The following GNB1L variants were observed in gnomAD, a reference collection of about 807,000 sequenced individuals.
GNB1L encodes G protein subunit beta 1 like.
GNB1L carries 20 observed loss-of-function variants against 29.1 expected under a neutral mutation model. The observed-to-expected ratio is 0.69, with a 90% CI of 0.48 to 1.00. The LOEUF (loss-of-function observed/expected upper bound fraction) is 1.00, where lower values mean the gene tolerates loss of function less well. Ranked by LOEUF, GNB1L falls within the 50% of genes least tolerant of loss-of-function variation. The probability of loss-of-function intolerance (pLI) is 0.00; values close to 1 mark genes in which losing one functional copy is unlikely to be tolerated. For missense variants in GNB1L, 421 were observed against 464.9 expected, an observed-to-expected ratio of 0.91 and a Z score of 0.87; for synonymous variants, 193 against 206.5, an observed-to-expected ratio of 0.93 and a Z score of 0.56.
rs552034902 is a variant in GNB1L, at chr22:19,812,371, C to T, written c.331G>A (p.Glu111Lys). ...RSAVVDSVCL[E>K]SVGFCRSSIL... Reference sequence around the variant, plus strand: ...CTGCTCCGGCAGAAGCCCACACTCTCCAAGCACACGGAGTCCACGACAGCG... The same window carrying T: ...CTGCTCCGGCAGAAGCCCACACTCTTCAAGCACACGGAGTCCACGACAGCG... Residue 111 changes from glutamate to lysine, a missense_variant, in exon 5 of 8, where the codon GAG (glutamate) becomes AAG (lysine). Coordinates refer to ENST00000329517, the MANE Select transcript of GNB1L (RefSeq NM_053004.3). 12 of 1,613,412 alleles carry T rather than the reference C, an allele frequency of 7.4e-6. No homozygotes were observed. The South Asian group carries it at 8.8e-5, about 12-fold the overall frequency.
chr22:19,852,630 G>T, intron 2 of GNB1L: 1 of 258,204 alleles, frequency 3.9e-6, no homozygotes, highest in South Asian at 9.7e-5. Context: ...GGCTGGCCTG[G>T]GAGGTCTGAG....
intron 2 of GNB1L, among the ~76,000 whole-genome samples, chr22:19,829,638 A>G (rs1937652540): frequency 6.6e-6 from 1 of 152,228 alleles, no homozygotes; most frequent in Admixed American, 6.5e-5. Context: ...TCACATTAAT[A>G]TACAGTGATC....
Position 19,783,454 on chromosome 22 carries a change from G to T in GNB1L, c.*5255C>A. The T allele has an allele frequency of 3.5e-6, 1 of 284,160 alleles. No homozygotes were observed. The highest frequency in any genetic ancestry group is 6.9e-6 in the Non-Finnish European group (1 of 145,008). 17.6% of individuals were successfully genotyped at this position (284,160 alleles called of 1,614,324 possible). ...GCCATGAGTTACTCGGGAGGCTGAG[G>T]CAGGAGGATCACTTGAGCCTATTAG... is the stretch of plus-strand genomic sequence containing the variant. On this transcript the variant is annotated 3_prime_UTR_variant, in exon 8 of 8. Transcript: ENST00000329517.
At position 19,788,884 on chromosome 22, in the gene GNB1L, G is replaced by T. The variant is rs781474454; in HGVS notation, c.809C>A (p.Thr270Asn). 6.2e-7 allele frequency: 1 copy of T among 1,612,914 alleles called. No individual in the cohort carries two copies. Among genetic ancestry groups the T allele is most frequent in the South Asian group, 1.1e-5 (1 of 91,060 alleles). Residue 270 changes from threonine to asparagine, a missense_variant, in exon 8 of 8, where the codon ACC (threonine) becomes AAC (asparagine). Physicochemically the swap from Thr to Asn is moderately conservative, Grantham distance 65. Coordinates refer to ENST00000329517, the MANE Select transcript of GNB1L (RefSeq NM_053004.3). ...GCGGATGCGGTGGTCCCAGCCTGCG[G>T]TGGCCAGGATCTTGCGATCTGGCCG... is the stretch of plus-strand genomic sequence containing the variant. ...TIRPDRKILATAGWDHRIRVF... is the reference protein window; with the variant it reads ...TIRPDRKILANAGWDHRIRVF...
intron 2 of GNB1L, chr22:19,846,860 T>C: frequency 1.1e-6 from 1 of 907,678 alleles, no homozygotes; most frequent in Non-Finnish European, 1.3e-6. Flanking sequence ...TGAGGAAATG[T>C]CTGTTGTTTA....
rs1003457718 is a variant in GNB1L at position 19,854,439 on chromosome 22, C to G, written c.-21+4G>C. ...AGGCCCACGGCAACAAGAAGCCCAC[C>G]CACCTGAGGCTACGCGAATCGCCCG... On this transcript the variant is annotated splice_donor_region_variant and intron_variant, in intron 2 of 7. Coordinates refer to ENST00000329517, the MANE Select transcript of GNB1L (RefSeq NM_053004.3). 1 of 152,740 alleles carries G rather than the reference C, an allele frequency of 6.5e-6. No homozygotes were observed. The highest frequency in any genetic ancestry group is 1.5e-5 in the Non-Finnish European group (1 of 68,094). The allele number at this position is 152,740 out of a possible 1,614,324, so 9.5% of individuals were successfully genotyped here. A position where few individuals can be genotyped will look rare whatever the true frequency, so the allele number is the denominator to read the frequency against.
At chr22:19,844,337 AC>A (rs1290133772) in intron 2 of GNB1L, among the ~76,000 whole-genome samples, 1 of 152,170 alleles carries the variant, frequency 6.6e-6, no homozygotes, top group Non-Finnish European at 1.5e-5. Flanking sequence ...CTCTGCCAGC[AC>A]TTTGGGTCCT....
At chr22:19,812,207 C>T in intron 5 of GNB1L, 78 bp downstream of exon 5, 1 of 1,463,936 alleles carries the variant, frequency 6.8e-7, no homozygotes, top group South Asian at 1.3e-5. Context: ...TGGGTAGGCG[C>T]AGGCGCCTCC....
At chr22:19,851,763 C>G (rs200365592) in intron 2 of GNB1L, 25 of 1,611,060 alleles carry the variant, frequency 1.6e-5, no homozygotes, top group Middle Eastern at 3.3e-4. Context: ...AGCTCGTAAT[C>G]GTCAGGCAGG....
In GNB1L at chr22:19,783,376, T is replaced by A. The variant is rs756134092; in HGVS notation, c.*5333A>T. On this transcript the variant is annotated 3_prime_UTR_variant, in exon 8 of 8. Transcript: ENST00000329517. ...AAGAGGTGGCAGGGGACAGATGTGC[T>A]GCTGTTCCCAGGCCACCTGCACAGC... The A allele has an allele frequency of 1.3e-4, 44 of 350,824 alleles. No individual in the cohort carries two copies. Among genetic ancestry groups the A allele is most frequent in the Non-Finnish European group, 2.3e-4 (41 of 178,840 alleles). 21.7% of individuals were successfully genotyped at this position (350,824 alleles called of 1,614,324 possible). A position where few individuals can be genotyped will look rare whatever the true frequency, so the allele number is the denominator to read the frequency against.
intron 7 of GNB1L, among the ~76,000 whole-genome samples, chr22:19,789,858 T>G (rs950445949): frequency 6.8e-6 from 1 of 147,526 alleles, no homozygotes; most frequent in Admixed American, 6.7e-5. Flanking sequence ...AAAAAAAAGA[T>G]ACGCTCTAAT....
chr22:19,812,524 A>G, intron 4 of GNB1L, 77 bp from the exon 5 acceptor site: 4 of 1,368,146 alleles, frequency 2.9e-6, no homozygotes, highest in Non-Finnish European at 4.0e-6. Context: ...AGCGGAAGGA[A>G]GGCAAGGCCA....
chr22:19,788,535 G>A lies in GNB1L; in HGVS notation c.*174C>T. 2 of 873,266 alleles carry A rather than the reference G, an allele frequency of 2.3e-6. No individual in the cohort carries two copies. The highest frequency in any genetic ancestry group is 3.9e-6 in the Non-Finnish European group (2 of 516,544). The allele number at this position is 873,266 out of a possible 1,614,324, so 54.1% of individuals were successfully genotyped here. A position where few individuals can be genotyped will look rare whatever the true frequency, so the allele number is the denominator to read the frequency against. ...CTGGCCCCCAGAGTCACCGTCCTGT[G>A]ATGAGGCACTCCACAAAAGGAAATA... On this transcript the variant is annotated 3_prime_UTR_variant, in exon 8 of 8. Transcript: ENST00000329517.
intron 2 of GNB1L, chr22:19,850,179 C>T: frequency 1.0e-6 from 1 of 985,726 alleles, no homozygotes; most frequent in Non-Finnish European, 1.2e-6. Flanking sequence ...CAGGCCTCTG[C>T]TCCTGACAGA....
At chr22:19,814,281 T>A (rs983420206) in intron 4 of GNB1L, among the ~76,000 whole-genome samples, 1 of 152,140 alleles carries the variant, frequency 6.6e-6, no homozygotes, top group Non-Finnish European at 1.5e-5. Context: ...CACAGATGGA[T>A]GCTAAAATCA....
intron 2 of GNB1L, chr22:19,849,485 C>G (rs1938045130): frequency 3.4e-6 from 1 of 291,700 alleles, no homozygotes; most frequent in South Asian, 1.3e-4. Context: ...TCTTCTGCCT[C>G]AGCCTCCCAA....
rs528685821 is a variant in GNB1L, at chr22:19,806,344, A to C, written c.516+315T>G. Reference sequence around the variant, plus strand: ...AAGTACTGAGGCGCTGGCAGACCCCACTGTCCCCTCCTCACCGCTCACTGG... The same window carrying C: ...AAGTACTGAGGCGCTGGCAGACCCCCCTGTCCCCTCCTCACCGCTCACTGG... On this transcript the variant is annotated intron_variant, in intron 6 of 7. Coordinates refer to ENST00000329517, the MANE Select transcript of GNB1L (RefSeq NM_053004.3). Among the ~76,000 whole-genome samples the C allele has an allele frequency of 3.3e-5, 5 of 152,340 alleles. No individual in the cohort carries two copies. The South Asian group carries it at 8.3e-4, about 25-fold the overall frequency.
At chr22:19,848,399 T>C in intron 2 of GNB1L, 5 of 985,382 alleles carry the variant, frequency 5.1e-6, no homozygotes, top group Non-Finnish European at 6.0e-6. Context: ...GGGGAATGCC[T>C]CCTTCCCCCA....
chr22:19,833,144 C>T (rs554939604), intron 2 of GNB1L, among the ~76,000 whole-genome samples: 3 of 152,160 alleles, frequency 2.0e-5, no homozygotes, highest in South Asian at 2.1e-4. Flanking sequence ...ACAAAGAACC[C>T]GGAAAATGAG....
Sources: gnomAD v4.1 joint callset for allele counts (sites outside exome capture counted in the v4.1 genomes callset) on GRCh38, gnomAD v4.1.1 for gene constraint, MANE v1.5 for transcripts, NCBI Gene and HGNC (gene_info 2026-07-23, HGNC 2026-07-21) for gene names.